NR2E3: variants seen among roughly 807,000 people sequenced by gnomAD.
NR2E3 encodes the protein photoreceptor-specific nuclear receptor.
A neutral mutation model predicts 37.6 loss-of-function variants in NR2E3; 38 were observed. That is an observed-to-expected ratio of 1.01 (90% confidence interval 0.78 to 1.33). The LOEUF is 1.33. Ranked by LOEUF, NR2E3 falls within the 40% of genes most tolerant of loss-of-function variation. NR2E3 has a pLI of 0.00. For missense variants in NR2E3, 562 were observed against 558.7 expected (o/e 1.01, Z -0.06); for synonymous variants, 235 against 225.1 (o/e 1.04, Z -0.39).
chr15:71,810,767 G>A lies in NR2E3; in HGVS notation c.24G>A (p.Leu8=), dbSNP rs2054171622. 1.9e-6 allele frequency: 3 copies of A among 1,574,962 alleles called. No individual in the cohort carries two copies. The highest frequency in any genetic ancestry group is 3.3e-4 in the Middle Eastern group (2 of 5,980). Residue 8 remains leucine (L), a synonymous_variant, in exon 1 of 8, where the codon CTG becomes CTA. Coordinates refer to ENST00000617575, the MANE Select transcript of NR2E3 (RefSeq NM_014249.4). Reference sequence around the variant, plus strand: ...CCATGGAGACCAGACCAACAGCTCTGATGAGCTCCACAGTGGCTGCAGCTG... The same window carrying A: ...CCATGGAGACCAGACCAACAGCTCTAATGAGCTCCACAGTGGCTGCAGCTG... METRPTA[L]MSSTVAAAAP...
chr15:71,814,928 T>C, intron 7 of NR2E3: 3 of 982,506 alleles, frequency 3.1e-6, no homozygotes, highest in Non-Finnish European at 3.6e-6. Context: ...AGGAGCTCTT[T>C]GGGAGAAGAC....
chr15:71,814,820 T>A, intron 7 of NR2E3: 8 of 985,660 alleles, frequency 8.1e-6, no homozygotes, highest in Non-Finnish European at 9.6e-6. Flanking sequence ...TCCATGGAGT[T>A]CTGATCTTTG....
chr15:71,810,648 G>A lies in NR2E3; in HGVS notation c.-96G>A. The stretch of plus-strand genomic sequence containing the variant: ...ACAGAGTTCAGGAAGGGAGACAGGG[G>A]CACAGAGAGACAGAGGTTCATGGAC... On this transcript the variant is annotated 5_prime_UTR_variant, in exon 1 of 8. Coordinates refer to ENST00000617575, the MANE Select transcript of NR2E3 (RefSeq NM_014249.4). The A allele has an allele frequency of 7.9e-6, 12 of 1,523,334 alleles. No individual in the cohort carries two copies. The highest frequency in any genetic ancestry group is 1.1e-5 in the Non-Finnish European group (12 of 1,131,636). The allele number at this position is 1,523,334 out of a possible 1,614,324, so 94.4% of individuals were successfully genotyped here.
chr15:71,813,550 G>A lies in NR2E3; in HGVS notation c.909G>A (p.Leu303=), dbSNP rs1429902171. The A allele has an allele frequency of 6.2e-7, 1 of 1,613,884 alleles. No individual in the cohort carries two copies. Among genetic ancestry groups the A allele is most frequent in the African/African-American group, 1.3e-5 (1 of 75,078 alleles). The change falls in exon 6 of 8, where the codon CTG becomes CTA. Residue 303 remains leucine (L), a synonymous_variant. Coordinates refer to ENST00000617575, the MANE Select transcript of NR2E3 (RefSeq NM_014249.4). The surrounding 1 kb of genome is among the most constrained non-coding windows in gnomAD (Gnocchi z 4.7). ...LTLASMETRV[L]QETISRFRAL... ...TGGCCAGCATGGAGACGCGTGTCCT[G>A]CAGGAAACTATCTCTCGGTTCCGGG...
Position 71,811,405 on chromosome 15 carries a change from C to A in NR2E3, c.119-78C>A, listed in dbSNP as rs2054177319. On this transcript the variant is annotated intron_variant, in intron 1 of 7. Transcript: ENST00000617575. The surrounding 1 kb of genome is among the most constrained non-coding windows in gnomAD (Gnocchi z 5.6). ...CGGGGCCTGAGGACTGGGAAAGGGA[C>A]CCGAGGGAAGGAGGGGAGCGTGCAG... 2.2e-6 allele frequency: 3 copies of A among 1,368,040 alleles called. No individual in the cohort carries two copies. The Admixed American group carries it at 6.4e-5, about 29-fold the overall frequency. 84.7% of individuals were successfully genotyped at this position (1,368,040 alleles called of 1,614,324 possible). A position where few individuals can be genotyped will look rare whatever the true frequency, so the allele number is the denominator to read the frequency against.
chr15:71,815,099 G>A (rs931768640), intron 7 of NR2E3, among the ~76,000 whole-genome samples: 1 of 152,212 alleles, frequency 6.6e-6, no homozygotes, highest in Non-Finnish European at 1.5e-5. Flanking sequence ...GTGTGGCTGC[G>A]CGAGGGTGGG....
At chr15:71,810,899 C>T (rs1403375796) in intron 1 of NR2E3, 38 bp downstream of exon 1, 1 of 1,514,936 alleles carries the variant, frequency 6.6e-7, no homozygotes, top group Non-Finnish European at 8.9e-7. Flanking sequence ...GGTCTGGGCC[C>T]TTGGGGAGCA....
At chr15:71,814,278 C>T (rs1013283795) in intron 7 of NR2E3, 161 bp downstream of exon 7, 42 of 1,413,930 alleles carry the variant, frequency 3.0e-5, no homozygotes, top group African/African-American at 8.6e-5. Context: ...TGCCAGGCCC[C>T]GGGAGTGGGG....
Position 71,810,625 on chromosome 15 carries a change from A to C in NR2E3, c.-119A>C. Reference sequence around the variant, plus strand: ...CTTGGGGCAGCTCCTGAGTTCAGACAGAGTTCAGGAAGGGAGACAGGGGCA... The same window carrying C: ...CTTGGGGCAGCTCCTGAGTTCAGACCGAGTTCAGGAAGGGAGACAGGGGCA... On this transcript the variant is annotated 5_prime_UTR_variant, in exon 1 of 8. Coordinates refer to ENST00000617575, the MANE Select transcript of NR2E3 (RefSeq NM_014249.4). 2.1e-6 allele frequency: 3 copies of C among 1,442,506 alleles called. No individual in the cohort carries two copies. The highest frequency in any genetic ancestry group is 2.8e-6 in the Non-Finnish European group (3 of 1,071,704). 89.4% of individuals were successfully genotyped at this position (1,442,506 alleles called of 1,614,324 possible). A position where few individuals can be genotyped will look rare whatever the true frequency, so the allele number is the denominator to read the frequency against.
At chr15:71,814,690 C>T (rs762105036) in intron 7 of NR2E3, 6 of 987,072 alleles carry the variant, frequency 6.1e-6, no homozygotes, top group Non-Finnish European at 7.2e-6. Context: ...AGGGCAGCTA[C>T]TGCAGGTTTC....
At chr15:71,814,152 C>A in intron 7 of NR2E3, 35 bp downstream of exon 7, 1 of 1,592,908 alleles carries the variant, frequency 6.3e-7, no homozygotes, top group East Asian at 2.3e-5. Flanking sequence ...CTCATCTGTC[C>A]CTGACCTCTA....
Position 71,810,833 on chromosome 15 carries a change from C to G in NR2E3, c.90C>G (p.Gly30=). ...CTGCCTCCAGGAAGGAGTCTCCAGG[C>G]AGATGGGGCCTGGGGGAGGATCCCA... is the stretch of plus-strand genomic sequence containing the variant. The part of the protein sequence containing the change: ...AGAASRKESP[G]RWGLGEDPTG... Residue 30 remains glycine (G), a synonymous_variant, in exon 1 of 8, where the codon GGC becomes GGG. Coordinates refer to ENST00000617575, the MANE Select transcript of NR2E3 (RefSeq NM_014249.4). 1 of 1,566,940 alleles carries G rather than the reference C, an allele frequency of 6.4e-7. No individual in the cohort carries two copies. Among genetic ancestry groups the G allele is most frequent in the Non-Finnish European group, 8.6e-7 (1 of 1,156,112 alleles).
rs757167188 is a variant in NR2E3, at chr15:71,811,474, G to T, written c.119-9G>T. 1 of 1,553,724 alleles carries T rather than the reference G, an allele frequency of 6.4e-7. No homozygotes were observed. The highest frequency in any genetic ancestry group is 1.2e-5 in the South Asian group (1 of 84,222). ...CTGCCCTGGCCCAGCCCTGCCCCCT[G>T]CCCCTCAGGCGTGAGCCCCTCGCTC... On this transcript the variant is annotated splice_polypyrimidine_tract_variant and intron_variant, in intron 1 of 7. Coordinates refer to ENST00000617575, the MANE Select transcript of NR2E3 (RefSeq NM_014249.4). This position sits in a 1 kb window ranked among gnomAD's most constrained non-coding sequence, Gnocchi z 5.6.
In NR2E3 at chr15:71,817,493, C is replaced by G. The variant is rs2054235937; in HGVS notation, c.1101-59C>G. ...CTCCCTTTCCTGGGAGGGCACCGCC[C>G]CAGGGACTAGTGCTCAGAAGCTGGT... On this transcript the variant is annotated intron_variant, in intron 7 of 7. Transcript: ENST00000617575. 2.6e-6 allele frequency: 4 copies of G among 1,531,094 alleles called. No individual in the cohort carries two copies. In the Admixed American group the frequency reaches 5.2e-5, roughly 20 times the overall value. 94.8% of individuals were successfully genotyped at this position (1,531,094 alleles called of 1,614,324 possible). A position where few individuals can be genotyped will look rare whatever the true frequency, so the allele number is the denominator to read the frequency against.
chr15:71,817,690 G>A lies in NR2E3; in HGVS notation c.*6G>A. On this transcript the variant is annotated 3_prime_UTR_variant, in exon 8 of 8. Coordinates refer to ENST00000617575, the MANE Select transcript of NR2E3 (RefSeq NM_014249.4). ...GTGATATGTTCAAAAACTAGTGGGG[G>A]TGGAGGTGAAATGTTTCCAAGCACT... 6.3e-7 allele frequency: 1 copy of A among 1,590,004 alleles called. No individual in the cohort carries two copies. The highest frequency in any genetic ancestry group is 8.6e-7 in the Non-Finnish European group (1 of 1,160,498).
In NR2E3 at chr15:71,811,875, G is replaced by A. The variant is rs1265097201; in HGVS notation, c.349+6G>A. ...GGCGGGGATGAACCAGGACGGTGAG[G>A]CGGGGGCTGGCCCGGGGGGAGGTGA... On this transcript the variant is annotated splice_donor_region_variant and intron_variant, in intron 3 of 7. Coordinates refer to ENST00000617575, the MANE Select transcript of NR2E3 (RefSeq NM_014249.4). This position sits in a 1 kb window ranked among gnomAD's most constrained non-coding sequence, Gnocchi z 5.6. The A allele has an allele frequency of 6.4e-7, 1 of 1,550,908 alleles. No homozygotes were observed. Among genetic ancestry groups the A allele is most frequent in the Non-Finnish European group, 8.7e-7 (1 of 1,146,846 alleles).
rs534297520 is a variant in NR2E3, at chr15:71,817,779, T to C, written c.*95T>C. The C allele has an allele frequency of 3.2e-5, 39 of 1,200,018 alleles. No homozygotes were observed. In the East Asian group the frequency reaches 9.1e-4, roughly 28 times the overall value. The allele number at this position is 1,200,018 out of a possible 1,614,324, so 74.3% of individuals were successfully genotyped here. ...CTTTGCCCCAGCAATTCCTCGTAGG[T>C]GTGTGTACCCAGCAGAAATGCCCAC... is the stretch of plus-strand genomic sequence containing the variant. On this transcript the variant is annotated 3_prime_UTR_variant, in exon 8 of 8. Coordinates refer to ENST00000617575, the MANE Select transcript of NR2E3 (RefSeq NM_014249.4).
At position 71,810,837 on chromosome 15, in the gene NR2E3, T is replaced by G. The variant is rs377300789; in HGVS notation, c.94T>G (p.Trp32Gly). The change falls in exon 1 of 8, where the codon TGG becomes GGG. Residue 32 changes from tryptophan (W) to glycine (G), a missense_variant. Transcript: ENST00000617575. Reference protein sequence around the residue: ...AASRKESPGRWGLGEDPTGVS... With the variant: ...AASRKESPGRGGLGEDPTGVS... ...CTCCAGGAAGGAGTCTCCAGGCAGATGGGGCCTGGGGGAGGATCCCACAGG... is the reference window on the plus strand; with the variant it reads ...CTCCAGGAAGGAGTCTCCAGGCAGAGGGGGCCTGGGGGAGGATCCCACAGG... 7.7e-6 allele frequency: 12 copies of G among 1,564,522 alleles called. No homozygotes were observed. The highest frequency in any genetic ancestry group is 7.2e-5 in the East Asian group (3 of 41,908).
chr15:71,817,377 C>T (rs953909385), intron 7 of NR2E3, 175 bp from the exon 8 acceptor site: 12 of 702,834 alleles, frequency 1.7e-5, no homozygotes, highest in Middle Eastern at 4.7e-4. Context: ...GGATTACGGG[C>T]GTGAGCCACC....
Sources: allele counts gnomAD v4.1 joint callset (sites outside exome capture counted in the v4.1 genomes callset), GRCh38; gene constraint gnomAD v4.1.1; non-coding constraint Gnocchi (gnomAD v3.1); transcripts MANE v1.5; gene names NCBI Gene and HGNC (gene_info 2026-07-23, HGNC 2026-07-21).